The following ARMC2 variants were observed in gnomAD, a reference collection of about 807,000 sequenced individuals.
ARMC2 encodes armadillo repeat containing 2, also known as armadillo repeat-containing protein 2.
Under a neutral mutation model 90.3 loss-of-function variants are expected in ARMC2, and 67 were observed. The ratio of observed to expected loss-of-function variants is 0.74; its 90% CI spans 0.61 to 0.91. The LOEUF is 0.91. Among genes scored for constraint, ARMC2 ranks in the 40% least tolerant of loss-of-function variants. The pLI is 0.00. For synonymous variants in ARMC2, 393 were observed against 393.0 expected (o/e 1.00, Z 0.00); for missense variants, 920 against 1,030.9 (o/e 0.89, Z 1.47).
chr6:109,046,147 G>A, the ARMC2 span, among the ~76,000 whole-genome samples: 1 of 151,708 alleles, frequency 6.6e-6, no homozygotes, highest in Admixed American at 6.6e-5. Context: ...ATGCGGAGCC[G>A]AAGCTGGACT....
chr6:108,932,668 A>G (rs1775664080), intron 11 of ARMC2, among the ~76,000 whole-genome samples: 1 of 151,266 alleles, frequency 6.6e-6, no homozygotes, highest in Non-Finnish European at 1.5e-5. Flanking sequence ...AGCTGGGACT[A>G]TAGGTGCCCA....
At chr6:108,915,461 G>A (rs1773856391) in intron 10 of ARMC2, among the ~76,000 whole-genome samples, 1 of 151,970 alleles carries the variant, frequency 6.6e-6, no homozygotes, top group Admixed American at 6.6e-5. Flanking sequence ...CCACTTTCTG[G>A]GGACCTCATA....
At chr6:109,045,055 C>A in the ARMC2 span, among the ~76,000 whole-genome samples, 1 of 151,958 alleles carries the variant, frequency 6.6e-6, no homozygotes, top group African/African-American at 2.4e-5. Context: ...ATCACCTTCC[C>A]CAAACCCATT....
chr6:109,024,940 G>GTGTGTAA, the ARMC2 span, among the ~76,000 whole-genome samples: 1 of 152,216 alleles, frequency 6.6e-6, no homozygotes, highest in African/African-American at 2.4e-5. Context: ...TGGCCGAACT[G>GTGTGTAA]GCAAAGTAAC....
chr6:108,921,512 G>A (rs1463855422), intron 10 of ARMC2, among the ~76,000 whole-genome samples: 1 of 152,170 alleles, frequency 6.6e-6, no homozygotes, highest in Non-Finnish European at 1.5e-5. Flanking sequence ...GCTTAGACAT[G>A]CATGTTACCA....
At chr6:108,971,212 A>G (rs989225410) in intron 17 of ARMC2, among the ~76,000 whole-genome samples, 6 of 152,134 alleles carry the variant, frequency 3.9e-5, no homozygotes, top group Admixed American at 2.0e-4. Context: ...CTCTGTCTCG[A>G]AAAAACGGAA....
At chr6:108,947,697 G>A (rs1583191511) in intron 12 of ARMC2, among the ~76,000 whole-genome samples, 1 of 152,248 alleles carries the variant, frequency 6.6e-6, no homozygotes, top group East Asian at 1.9e-4. Flanking sequence ...GCTCTGTTGA[G>A]GTCAGTCTTC....
the ARMC2 span, chr6:108,988,833 T>G: frequency 3.4e-6 from 2 of 589,332 alleles, no homozygotes; most frequent in Non-Finnish European, 5.7e-6. Flanking sequence ...GCTTTATAAC[T>G]GCAGATGAAT....
the ARMC2 span, chr6:109,008,718 A>T: frequency 1.0e-6 from 1 of 954,158 alleles, no homozygotes; most frequent in Non-Finnish European, 1.2e-6. Context: ...GCAACCACTT[A>T]GAAAAAAACA....
In ARMC2 at chr6:108,911,103, T is replaced by A. The variant is rs150481839; in HGVS notation, c.1126+102T>A. ...AATCAATGATAGCAAGAATATTTTG[T>A]TTTCTAGAAACATGCAGAAGTTATG... On this transcript the variant is annotated intron_variant, in intron 9 of 17. Coordinates refer to ENST00000392644, the MANE Select transcript of ARMC2 (RefSeq NM_032131.6). The A allele has an allele frequency of 1.6e-4, 125 of 759,702 alleles. No homozygotes were observed. In the African/African-American group the frequency reaches 2.1e-3, roughly 13 times the overall value. The allele number at this position is 759,702 out of a possible 1,614,324, so 47.1% of individuals were successfully genotyped here.
intron 17 of ARMC2, among the ~76,000 whole-genome samples, chr6:108,965,593 T>C (rs1778307472): frequency 6.6e-6 from 1 of 151,982 alleles, no homozygotes; most frequent in African/African-American, 2.4e-5. Flanking sequence ...TACAATGGAG[T>C]TTATATCCTT....
Position 108,953,073 on chromosome 6 carries a change from C to T in ARMC2, c.1637C>T (p.Thr546Met), listed in dbSNP as rs61741720. Residue 546 changes from threonine (T) to methionine (M), a missense_variant, in exon 13 of 18, where the codon ACG becomes ATG. Thr to Met is a moderately conservative substitution (Grantham distance 81). Coordinates refer to ENST00000392644, the MANE Select transcript of ARMC2 (RefSeq NM_032131.6). ...GTTGTTTTTATTCTTGGCAACCTGA[C>T]GGCAAAAAATAACCAGGCTCGTGAA... ...VRVVFILGNL[T>M]AKNNQAREQF... 0.022 allele frequency: 36,282 copies of T among 1,612,976 alleles called. 468 individuals carry two copies. Among genetic ancestry groups the T allele is most frequent in the Middle Eastern group, 0.033 (197 of 6,058 alleles).
the ARMC2 span, chr6:109,002,439 G>T: frequency 1.1e-6 from 1 of 918,480 alleles, no homozygotes; most frequent in Non-Finnish European, 1.8e-6. Flanking sequence ...GTCGAACAGA[G>T]ACAGGCTTGT....
At chr6:108,935,476 C>T (rs1403044068) in intron 11 of ARMC2, among the ~76,000 whole-genome samples, 1 of 152,112 alleles carries the variant, frequency 6.6e-6, no homozygotes, top group African/African-American at 2.4e-5. Flanking sequence ...AGGTCTCACT[C>T]TGTCACCCAG....
intron 8 of ARMC2, chr6:108,907,611 A>G (rs1193054485): frequency 1.9e-6 from 3 of 1,567,146 alleles, no homozygotes; most frequent in Admixed American, 1.7e-5. Context: ...TGTCCTCTTC[A>G]GTGGTATTTG....
chr6:109,000,518 A>C, the ARMC2 span: 1 of 1,599,918 alleles, frequency 6.3e-7, no homozygotes, highest in African/African-American at 1.3e-5. Context: ...TAATAAGCCA[A>C]GGTCTATGGG....
chr6:108,861,122 GA>G (rs1337917092), intron 3 of ARMC2, among the ~76,000 whole-genome samples: 2 of 152,204 alleles, frequency 1.3e-5, no homozygotes, highest in Admixed American at 1.3e-4. Flanking sequence ...GAATTACACA[GA>G]ATTTCAGCTA....
At chr6:108,996,768 C>A in the ARMC2 span, among the ~76,000 whole-genome samples, 2 of 152,122 alleles carry the variant, frequency 1.3e-5, no homozygotes, top group Non-Finnish European at 1.5e-5. Flanking sequence ...GAATAATACA[C>A]CAACACTTAG....
At chr6:108,936,574 T>G (rs1308394579) in intron 11 of ARMC2, among the ~76,000 whole-genome samples, 1 of 152,184 alleles carries the variant, frequency 6.6e-6, no homozygotes, top group African/African-American at 2.4e-5. Flanking sequence ...CAGTTTTACA[T>G]TTGCTTCTGA....
Sources: allele counts gnomAD v4.1 joint callset (sites outside exome capture counted in the v4.1 genomes callset), GRCh38; gene constraint gnomAD v4.1.1; transcripts MANE v1.5; gene names NCBI Gene and HGNC (gene_info 2026-07-23, HGNC 2026-07-21).